MYOF: variants seen among roughly 807,000 people sequenced by gnomAD.
MYOF encodes the protein myoferlin.
Under a neutral mutation model 284.2 loss-of-function variants are expected in MYOF, and 244 were observed. The observed-to-expected ratio is 0.86, with a 90% CI of 0.77 to 0.95. The LOEUF (loss-of-function observed/expected upper bound fraction) is 0.95. Ranked by LOEUF, MYOF falls within the 40% of genes least tolerant of loss-of-function variation. The probability of loss-of-function intolerance (pLI) is 0.00; values close to 1 mark genes in which losing one functional copy is unlikely to be tolerated. For synonymous variants in MYOF, 904 were observed against 919.7 expected (o/e 0.98, Z 0.31); for missense variants, 2,496 against 2,560.6 (o/e 0.97, Z 0.54).
At chr10:93,406,288 T>TTTTTTATATATATATATATATATATA (rs1271223936) in intron 7 of MYOF, among the ~76,000 whole-genome samples, 1 of 58,128 alleles carries the variant, frequency 1.7e-5, no homozygotes, top group Non-Finnish European at 4.3e-5. Context: ...TAAACCTCTT[T>TTTTTTATATATATATATATATATATA]TATATATATA....
rs187755439 is a variant in MYOF, at chr10:93,345,159, T to C, written c.4250-1227A>G. On this transcript the variant is annotated intron_variant, in intron 37 of 53. Transcript: ENST00000359263. ...ACCCTGGCAATTGACATACAGGACATAAAGGAGGAGAAACAACAAACCTTT... is the reference window on the plus strand; with the variant it reads ...ACCCTGGCAATTGACATACAGGACACAAAGGAGGAGAAACAACAAACCTTT... Among the ~76,000 whole-genome samples, 171 of 152,256 alleles carry C rather than the reference T, an allele frequency of 1.1e-3. No homozygotes were observed. In the South Asian group the frequency reaches 0.012, roughly 11 times the overall value.
Position 93,408,782 on chromosome 10 carries a change from T to C in MYOF, c.729+5A>G, listed in dbSNP as rs771456402. ...AGCAGAAACATGCCCTCTCAACCCC[T>C]TTACCTCATCAAAAAAAGGGTTGTT... On this transcript the variant is annotated splice_donor_5th_base_variant and intron_variant, in intron 7 of 53. Coordinates refer to ENST00000359263, the MANE Select transcript of MYOF (RefSeq NM_013451.4). 6.2e-7 allele frequency: 1 copy of C among 1,614,084 alleles called. No homozygotes were observed. The highest frequency in any genetic ancestry group is 1.1e-5 in the South Asian group (1 of 91,084).
intron 1 of MYOF, among the ~76,000 whole-genome samples, chr10:93,464,506 T>C (rs570920074): frequency 2.0e-4 from 31 of 152,318 alleles, no homozygotes; most frequent in African/African-American, 7.0e-4. Context: ...CTAAAAATCC[T>C]GCAGGGAAAA....
chr10:93,434,325 G>A (rs1357225872), intron 3 of MYOF, among the ~76,000 whole-genome samples: 1 of 151,782 alleles, frequency 6.6e-6, no homozygotes. Flanking sequence ...CCAGCTACTT[G>A]GGAGGCTGAG....
At chr10:93,462,723 C>G (rs1318752298) in intron 1 of MYOF, among the ~76,000 whole-genome samples, 2 of 149,182 alleles carry the variant, frequency 1.3e-5, no homozygotes, top group East Asian at 4.0e-4. Flanking sequence ...TATTCTCACA[C>G]ATAAACACAT....
At chr10:93,368,199 A>G (rs2133952247) in intron 25 of MYOF, among the ~76,000 whole-genome samples, 1 of 152,288 alleles carries the variant, frequency 6.6e-6, no homozygotes, top group South Asian at 2.1e-4. Flanking sequence ...AGCTGGCTGG[A>G]CATCAACATC....
intron 24 of MYOF, among the ~76,000 whole-genome samples, chr10:93,371,733 CT>C (rs966569399): frequency 1.5e-5 from 2 of 132,760 alleles, no homozygotes; most frequent in African/African-American, 5.5e-5. Flanking sequence ...GGCCTTCAAC[CT>C]TTTTTTTTAA....
intron 1 of MYOF, among the ~76,000 whole-genome samples, chr10:93,461,768 G>A (rs1206312516): frequency 6.6e-6 from 1 of 152,174 alleles, no homozygotes; most frequent in Non-Finnish European, 1.5e-5. Context: ...TCAAGTACCA[G>A]GCTAAGCTTC....
chr10:93,369,111 T>TC (rs372149960), intron 25 of MYOF, among the ~76,000 whole-genome samples: 1,529 of 25,106 alleles, frequency 0.061, 47 homozygotes, highest in African/African-American at 0.11. Context: ...TTCAGACAGC[T>TC]TTTTTTTTTT....
chr10:93,361,743 A>C (rs563384453), intron 27 of MYOF, among the ~76,000 whole-genome samples, 186 bp from the exon 28 acceptor site: 13 of 152,332 alleles, frequency 8.5e-5, no homozygotes, highest in African/African-American at 3.1e-4. Flanking sequence ...AATAAAAATT[A>C]GTTTAAACTA....
At chr10:93,332,802 A>G (rs540183327) in intron 43 of MYOF, among the ~76,000 whole-genome samples, 18 of 152,188 alleles carry the variant, frequency 1.2e-4, no homozygotes, top group East Asian at 5.9e-4. Flanking sequence ...AGCCGAGATC[A>G]CGCCACTGCA....
intron 4 of MYOF, among the ~76,000 whole-genome samples, chr10:93,427,613 T>C (rs1324610861): frequency 2.0e-5 from 3 of 150,726 alleles, no homozygotes; most frequent in South Asian, 2.1e-4. Context: ...AAAAGGAGAA[T>C]TGAATCTGGC....
chr10:93,398,263 C>T lies in MYOF; in HGVS notation c.1222-807G>A, dbSNP rs951884583. On this transcript the variant is annotated intron_variant, in intron 13 of 53. Transcript: ENST00000359263. ...CTCCCTGCCTGGATGCCTCCCTCCC[C>T]AATCTCTGCATATCCAGGCCTCTGC... Among the ~76,000 whole-genome samples, 4 of 152,110 alleles carry T rather than the reference C, an allele frequency of 2.6e-5. No individual in the cohort carries two copies. The East Asian group carries it at 5.8e-4, about 22-fold the overall frequency.
At chr10:93,366,675 C>T in intron 25 of MYOF, 120 bp from the exon 26 acceptor site, 1 of 815,258 alleles carries the variant, frequency 1.2e-6, no homozygotes, top group African/African-American at 1.7e-5. Flanking sequence ...CAGAAAAAAG[C>T]TTTATGCTCA....
At chr10:93,315,122 T>C (rs1214706639) in intron 50 of MYOF, among the ~76,000 whole-genome samples, 1 of 152,218 alleles carries the variant, frequency 6.6e-6, no homozygotes, top group East Asian at 1.9e-4. Flanking sequence ...GTAAGCCTAC[T>C]TGCATACTCA....
Position 93,379,927 on chromosome 10 carries a change from T to G in MYOF, c.1937A>C (p.Tyr646Ser), listed in dbSNP as rs774016445. The stretch of plus-strand genomic sequence containing the variant: ...CAGGCGATGACTAATATCCTCCCAG[T>G]ATGAAGTCAGGGTAACAACTGGCTT... ...HTKPVVTLTS[Y>S]WEDISHRLDA... is the part of the protein sequence containing the mutation. Residue 646 changes from tyrosine (Y) to serine (S), a missense_variant, in exon 21 of 54, where the codon TAC becomes TCC. By Grantham distance (144) the Tyr-to-Ser change is moderately radical. Coordinates refer to ENST00000359263, the MANE Select transcript of MYOF (RefSeq NM_013451.4). 4 of 1,614,092 alleles carry G rather than the reference T, an allele frequency of 2.5e-6. No homozygotes were observed. In the South Asian group the frequency reaches 4.4e-5, roughly 18 times the overall value.
intron 53 of MYOF, 39 bp downstream of exon 53, chr10:93,309,981 C>T: frequency 6.2e-7 from 1 of 1,612,546 alleles, no homozygotes; most frequent in Non-Finnish European, 8.5e-7. Context: ...CTGCAACTCA[C>T]AAGAAAGCCA....
chr10:93,404,290 T>C, intron 7 of MYOF, 71 bp from the exon 8 acceptor site: 2 of 1,506,612 alleles, frequency 1.3e-6, no homozygotes, highest in Non-Finnish European at 1.8e-6. Flanking sequence ...GATACTATAA[T>C]TTTGGGGGCC....
At position 93,351,841 on chromosome 10, in the gene MYOF, A is replaced by G. The variant is rs777087227; in HGVS notation, c.3487T>C (p.Tyr1163His). 175 of 1,583,276 alleles carry G rather than the reference A, an allele frequency of 1.1e-4. No homozygotes were observed. Among genetic ancestry groups the G allele is most frequent in the Non-Finnish European group, 1.4e-4 (167 of 1,173,066 alleles). The change falls in exon 33 of 54, where the codon TAT (tyrosine) becomes CAT (histidine). Residue 1163 changes from tyrosine (Y) to histidine (H), a missense_variant. Physicochemically the swap from Tyr to His is moderately conservative, Grantham distance 83. Transcript: ENST00000359263. ...CGATGGAGGAAACAGATATGAGCAT[A>G]TGGATCTAAAACAGAAAAAGAGAAT... ...ALDKDSFSDP[Y>H]AHICFLHRSK...
Sources: gnomAD v4.1 joint callset for allele counts (sites outside exome capture counted in the v4.1 genomes callset) on GRCh38, gnomAD v4.1.1 for gene constraint, MANE v1.5 for transcripts, NCBI Gene and HGNC (gene_info 2026-07-23, HGNC 2026-07-21) for gene names.